The following RNF130 variants were observed in gnomAD, a reference collection of about 807,000 sequenced individuals.
The protein encoded by RNF130 is E3 ubiquitin-protein ligase RNF130.
RNF130 carries 21 observed loss-of-function variants against 44.6 expected under a neutral mutation model. That is an observed-to-expected ratio of 0.47 (90% CI 0.33 to 0.68). The LOEUF (loss-of-function observed/expected upper bound fraction) is 0.68. Among genes scored for constraint, RNF130 ranks in the 30% least tolerant of loss-of-function variants. The pLI, the probability that RNF130 is intolerant of heterozygous loss-of-function variation, is 0.02. For synonymous variants in RNF130, 214 were observed against 210.4 expected (o/e 1.02, Z -0.15); for missense variants, 479 against 560.6 (o/e 0.85, Z 1.47).
rs1762465330 is a variant in RNF130 at position 179,966,942 on chromosome 5, G to A, written c.1014C>T (p.Asn338=). Reference sequence around the variant, plus strand: ...CGAGGTCGCCGAGGGCTGATCTTCGGTTAACAGCTTGGGTTCTGGTGAGCC... The same window carrying A: ...CGAGGTCGCCGAGGGCTGATCTTCGATTAACAGCTTGGGTTCTGGTGAGCC... ...MERLTRTQAV[N]RRSALGDLAG... is the part of the protein sequence containing the mutation. Residue 338 remains asparagine (N), a synonymous_variant, in exon 7 of 9, where the codon AAC becomes AAT. Coordinates refer to ENST00000521389, the MANE Select transcript of RNF130 (RefSeq NM_018434.6). The A allele has an allele frequency of 5.6e-6, 9 of 1,614,114 alleles. No individual in the cohort carries two copies. The highest frequency in any genetic ancestry group is 5.5e-5 in the South Asian group (5 of 91,084).
At chr5:179,992,625 T>G (rs1763111785) in intron 3 of RNF130, among the ~76,000 whole-genome samples, 1 of 152,214 alleles carries the variant, frequency 6.6e-6, no homozygotes, top group South Asian at 2.1e-4. Flanking sequence ...TTTTCATACT[T>G]CCTATAGTAT....
At chr5:180,037,076 G>A (rs11954181) in intron 2 of RNF130, among the ~76,000 whole-genome samples, 24,127 of 152,142 alleles carry the variant, frequency 0.16, 2,053 homozygotes, top group Admixed American at 0.19. Flanking sequence ...CTGTGTTTGG[G>A]AGACTTATTC....
In RNF130 at chr5:180,071,662, G is replaced by GCGGCGAGC; in HGVS notation, c.33_40dup (p.Ala14GlyfsTer8). The GCGGCGAGC allele has an allele frequency of 7.0e-7, 1 of 1,433,924 alleles. No individual in the cohort carries two copies. Among genetic ancestry groups the GCGGCGAGC allele is most frequent in the Non-Finnish European group, 9.2e-7 (1 of 1,090,884 alleles). The allele number at this position is 1,433,924 out of a possible 1,614,324, so 88.8% of individuals were successfully genotyped here. A position where few individuals can be genotyped will look rare whatever the true frequency, so the allele number is the denominator to read the frequency against. ...CAGGCTGCAGGTCAGCAGGGCGAGC[G>GCGGCGAGC]CGGCGAGCCGGGCAGGGCCCGCCCG... On this transcript the variant is annotated frameshift_variant, in exon 1 of 9. Coordinates refer to ENST00000521389, the MANE Select transcript of RNF130 (RefSeq NM_018434.6). LOFTEE classifies it high-confidence loss of function.
chr5:179,928,060 T>C (rs960560399), intron 7 of RNF130, among the ~76,000 whole-genome samples: 16 of 152,210 alleles, frequency 1.1e-4, no homozygotes, highest in African/African-American at 3.6e-4. Flanking sequence ...TTCCACTGTC[T>C]GGCCACCACA....
chr5:179,953,658 G>C (rs1232980301), downstream of RNF130, among the ~76,000 whole-genome samples: 1 of 152,160 alleles, frequency 6.6e-6, no homozygotes, highest in East Asian at 1.9e-4. Flanking sequence ...TAAAAGTTAA[G>C]AGCAAAGACT....
At chr5:179,979,117 C>T (rs770915697) in intron 4 of RNF130, among the ~76,000 whole-genome samples, 7 of 151,760 alleles carry the variant, frequency 4.6e-5, no homozygotes, top group Non-Finnish European at 8.8e-5. Flanking sequence ...AGGTTAAATC[C>T]GCTCCAGGGA....
chr5:179,989,535 C>T (rs1238249467), intron 3 of RNF130, among the ~76,000 whole-genome samples: 2 of 151,990 alleles, frequency 1.3e-5, no homozygotes, highest in Non-Finnish European at 2.9e-5. Flanking sequence ...TTTTACATAA[C>T]GTCTGTTTTA....
intron 7 of RNF130, among the ~76,000 whole-genome samples, chr5:179,944,613 AT>A (rs890730221): frequency 1.0e-4 from 15 of 150,054 alleles, no homozygotes; most frequent in African/African-American, 2.0e-4. Flanking sequence ...GCCTGGCTAA[AT>A]TTTTTTTTTG....
intron 1 of RNF130, among the ~76,000 whole-genome samples, chr5:180,057,069 T>A (rs1023842044): frequency 6.6e-6 from 1 of 152,236 alleles, no homozygotes; most frequent in Admixed American, 6.5e-5. Flanking sequence ...AATAAGCCCC[T>A]TTCAACCATA....
At chr5:180,060,767 C>G (rs1336839871) in intron 1 of RNF130, among the ~76,000 whole-genome samples, 1 of 152,196 alleles carries the variant, frequency 6.6e-6, no homozygotes, top group East Asian at 1.9e-4. Flanking sequence ...CTAAGAACCA[C>G]TAACCTAGAT....
At chr5:179,925,280 T>G (rs1253723174) in intron 7 of RNF130, among the ~76,000 whole-genome samples, 1 of 120,840 alleles carries the variant, frequency 8.3e-6, no homozygotes, top group Non-Finnish European at 1.8e-5. Flanking sequence ...TGATCGCCCA[T>G]GGCCAACAGT....
At chr5:180,066,512 T>C (rs777359975) in intron 1 of RNF130, among the ~76,000 whole-genome samples, 38 of 152,162 alleles carry the variant, frequency 2.5e-4, no homozygotes, top group Non-Finnish European at 5.1e-4. Context: ...CTCATGGGTA[T>C]AGTCTAGCAA....
At chr5:179,929,854 G>A (rs1761780036) in intron 7 of RNF130, among the ~76,000 whole-genome samples, 1 of 152,144 alleles carries the variant, frequency 6.6e-6, no homozygotes, top group Admixed American at 6.5e-5. Context: ...TCACTTTGGG[G>A]AGAGCTAACA....
intron 7 of RNF130, among the ~76,000 whole-genome samples, chr5:179,923,772 A>G (rs1001420016): frequency 6.6e-6 from 1 of 152,162 alleles, no homozygotes; most frequent in South Asian, 2.1e-4. Context: ...CAATTCTTCA[A>G]TCACTCTTGC....
At chr5:180,060,982 T>C (rs1487143745) in intron 1 of RNF130, among the ~76,000 whole-genome samples, 1 of 134,780 alleles carries the variant, frequency 7.4e-6, no homozygotes, top group East Asian at 2.4e-4. Flanking sequence ...GGCAGGAGAA[T>C]GGCGTGAACC....
intron 7 of RNF130, among the ~76,000 whole-genome samples, chr5:179,942,066 C>A (rs1761975259): frequency 6.6e-6 from 1 of 151,790 alleles, no homozygotes; most frequent in Non-Finnish European, 1.5e-5. Flanking sequence ...TCACATCATG[C>A]CAATAAATAT....
intron 5 of RNF130, among the ~76,000 whole-genome samples, chr5:179,976,452 G>A (rs964878393): frequency 2.0e-5 from 3 of 152,166 alleles, no homozygotes; most frequent in Non-Finnish European, 2.9e-5. Context: ...TGTGGATGAC[G>A]CCTCCCTGTG....
At chr5:179,950,229 G>A (rs1348340176), downstream of RNF130, among the ~76,000 whole-genome samples, 3 of 151,900 alleles carry the variant, frequency 2.0e-5, no homozygotes, top group African/African-American at 7.3e-5. Context: ...AGACTCTCCT[G>A]CCTCAGCCTC....
chr5:179,987,899 T>C (rs1274143659), intron 3 of RNF130, among the ~76,000 whole-genome samples: 1 of 152,258 alleles, frequency 6.6e-6, no homozygotes, highest in Non-Finnish European at 1.5e-5. Flanking sequence ...TTTGTGTCTA[T>C]GTTCAAGGAC....
Sources: allele counts gnomAD v4.1 joint callset (sites outside exome capture counted in the v4.1 genomes callset), GRCh38; gene constraint gnomAD v4.1.1; transcripts MANE v1.5; gene names NCBI Gene and HGNC (gene_info 2026-07-23, HGNC 2026-07-21).